CCDC33: variants seen among roughly 807,000 people sequenced by gnomAD.
CCDC33 encodes coiled-coil domain containing 33.
In CCDC33, 94 loss-of-function variants were observed where a neutral mutation model predicts 91.9. That is an observed-to-expected ratio of 1.02 (90% confidence interval 0.87 to 1.21). The LOEUF (loss-of-function observed/expected upper bound fraction) is 1.21, where lower values mean the gene tolerates loss of function less well. Ranked by LOEUF, CCDC33 falls within the 50% of genes most tolerant of loss-of-function variation. CCDC33 has a pLI of 0.00. For missense variants in CCDC33, 940 were observed against 935.5 expected (o/e 1.00, Z -0.06); for synonymous variants, 396 against 374.5 (o/e 1.06, Z -0.66).
intron 16 of CCDC33, chr15:74,333,454 A>G: frequency 1.4e-6 from 1 of 720,520 alleles, no homozygotes; most frequent in Non-Finnish European, 2.3e-6. Context: ...GCAGGGGCAC[A>G]GGAGAGTTTT....
chr15:74,221,003 G>A (rs1262796101), intron 2 of CCDC33, among the ~76,000 whole-genome samples: 1 of 152,138 alleles, frequency 6.6e-6, no homozygotes, highest in Non-Finnish European at 1.5e-5. Context: ...GCAATATTCA[G>A]ATCAAAGCTA....
chr15:74,329,532 C>A (rs1400293758), intron 11 of CCDC33, among the ~76,000 whole-genome samples: 4 of 152,228 alleles, frequency 2.6e-5, no homozygotes, highest in African/African-American at 9.7e-5. Flanking sequence ...ACAGTGAATG[C>A]TCAATGAGCA....
At chr15:74,220,726 A>G (rs2074565336) in intron 2 of CCDC33, among the ~76,000 whole-genome samples, 1 of 152,202 alleles carries the variant, frequency 6.6e-6, no homozygotes, top group Admixed American at 6.5e-5. Flanking sequence ...TGCCAAGACA[A>G]GAAAATGGCT....
chr15:74,332,614 G>C, intron 15 of CCDC33, 65 bp from the exon 16 acceptor site: 1 of 1,570,300 alleles, frequency 6.4e-7, no homozygotes, highest in East Asian at 2.3e-5. Flanking sequence ...TGCTGGAGCA[G>C]ATCAGGACAG....
At chr15:74,309,822 C>A (rs919650853) in intron 11 of CCDC33, among the ~76,000 whole-genome samples, 18 of 152,174 alleles carry the variant, frequency 1.2e-4, no homozygotes, top group African/African-American at 4.3e-4. Context: ...CTCAACAGAA[C>A]AGCCTGGACT....
chr15:74,324,281 G>A (rs376763791), intron 11 of CCDC33, among the ~76,000 whole-genome samples: 1 of 151,928 alleles, frequency 6.6e-6, no homozygotes, highest in Admixed American at 6.6e-5. Context: ...ATGTATGTGA[G>A]GTTCACCCAC....
At position 74,332,736 on chromosome 15, in the gene CCDC33, CG is replaced by C; in HGVS notation, c.1831del (p.Val611LeufsTer66). 6.2e-7 allele frequency: 1 copy of C among 1,614,192 alleles called. No individual in the cohort carries two copies. On this transcript the variant is annotated frameshift_variant, in exon 16 of 19. Transcript: ENST00000398814. LOFTEE classifies it high-confidence loss of function. ...TTGGGTTCTATGGGAGAGAACCTGC[CG>C]GTTGAACTTTACTCGGTGCTGCTGG... ...LPLGSMGENL[P>X]VELYSVLLAE... is the part of the protein sequence containing the mutation.
chr15:74,315,514 G>A (rs2060073007), intron 11 of CCDC33, among the ~76,000 whole-genome samples: 1 of 152,254 alleles, frequency 6.6e-6, no homozygotes, highest in Admixed American at 6.5e-5. Context: ...ACTTCATCAG[G>A]TGACTGGTGG....
Position 74,218,697 on chromosome 15 carries a change from C to T in CCDC33, c.511C>T (p.Arg171Trp), listed in dbSNP as rs565777002. 18 of 1,289,836 alleles carry T rather than the reference C, an allele frequency of 1.4e-5. No homozygotes were observed. Among genetic ancestry groups the T allele is most frequent in the African/African-American group, 1.4e-4 (9 of 65,994 alleles). The allele number at this position is 1,289,836 out of a possible 1,614,324, so 79.9% of individuals were successfully genotyped here. Residue 171 changes from arginine to tryptophan, a missense_variant, in exon 2 of 3, where the codon CGG (arginine) becomes TGG (tryptophan). Transcript: ENST00000635913. This position sits in a 1 kb window ranked among gnomAD's most constrained non-coding sequence, Gnocchi z 4.8. ...CTACTGTGGCAACCTGGCTCTGCTCCGGGCTAGCACGGACCCCACAGCCCG... is the reference window on the plus strand; with the variant it reads ...CTACTGTGGCAACCTGGCTCTGCTCTGGGCTAGCACGGACCCCACAGCCCG...
chr15:74,316,053 C>T lies in CCDC33; in HGVS notation c.1291-14136C>T, dbSNP rs568074672. Among the ~76,000 whole-genome samples, 1 of 151,670 alleles carries T rather than the reference C, an allele frequency of 6.6e-6. No homozygotes were observed. The highest frequency in any genetic ancestry group is 1.5e-5 in the Non-Finnish European group (1 of 67,888). On this transcript the variant is annotated intron_variant, in intron 11 of 18. Transcript: ENST00000398814. This position sits in a 1 kb window ranked among gnomAD's most constrained non-coding sequence, Gnocchi z 4.7. ...ACAAAGAGCCCTGCCCTAGTCTTCA[C>T]ATAGTAATTGTCTTGTGTGTCTCAC...
At chr15:74,273,978 C>T (rs940403511) in intron 7 of CCDC33, among the ~76,000 whole-genome samples, 3 of 151,890 alleles carry the variant, frequency 2.0e-5, no homozygotes, top group Non-Finnish European at 2.9e-5. Flanking sequence ...ATTACTGGCA[C>T]CCGCCACCAT....
intron 2 of CCDC33, among the ~76,000 whole-genome samples, chr15:74,256,692 C>G (rs2075876309): frequency 6.6e-6 from 1 of 152,222 alleles, no homozygotes; most frequent in East Asian, 1.9e-4. Context: ...CCCTTCCTGA[C>G]CCTGCATCGC....
chr15:74,330,941 G>A (rs372467568), intron 13 of CCDC33, 40 bp from the exon 14 acceptor site: 11 of 1,556,912 alleles, frequency 7.1e-6, no homozygotes, highest in Admixed American at 5.6e-5. Flanking sequence ...GGACTCCCAG[G>A]CACCCATTCT....
chr15:74,234,367 T>C (rs927401541), upstream of CCDC33, among the ~76,000 whole-genome samples: 2 of 152,202 alleles, frequency 1.3e-5, no homozygotes, highest in African/African-American at 4.8e-5. Context: ...CCCTGGACAT[T>C]TGAGGAGCAA....
At chr15:74,266,553 G>A (rs2076170763) in intron 3 of CCDC33, 125 bp from the exon 4 acceptor site, 1 of 711,500 alleles carries the variant, frequency 1.4e-6, no homozygotes, top group African/African-American at 1.7e-5. Flanking sequence ...TGTGCATGTT[G>A]ATTCCTCAGT....
intron 7 of CCDC33, among the ~76,000 whole-genome samples, chr15:74,278,883 C>T (rs1186354106): frequency 6.6e-6 from 1 of 152,214 alleles, no homozygotes; most frequent in Non-Finnish European, 1.5e-5. Flanking sequence ...GCCATCAAGT[C>T]CCCCGAGTGC....
At chr15:74,314,072 T>C (rs1411870540) in intron 11 of CCDC33, among the ~76,000 whole-genome samples, 1 of 152,214 alleles carries the variant, frequency 6.6e-6, no homozygotes, top group African/African-American at 2.4e-5. Context: ...TCCTTATGCC[T>C]GTATCACCTG....
intron 2 of CCDC33, among the ~76,000 whole-genome samples, chr15:74,219,971 T>C (rs1180461330): frequency 6.6e-6 from 1 of 152,180 alleles, no homozygotes; most frequent in Non-Finnish European, 1.5e-5. Context: ...TGCATTGGTC[T>C]GGTGCTGAAG....
At chr15:74,219,610 A>G (rs1335490688) in intron 2 of CCDC33, among the ~76,000 whole-genome samples, 1 of 152,022 alleles carries the variant, frequency 6.6e-6, no homozygotes, top group Non-Finnish European at 1.5e-5. Flanking sequence ...CTGGCAGGAG[A>G]GTTCTGGTGA....
Sources: gnomAD v4.1 joint callset for allele counts (sites outside exome capture counted in the v4.1 genomes callset) on GRCh38, gnomAD v4.1.1 for gene constraint, Gnocchi (gnomAD v3.1) non-coding constraint, MANE v1.5 for transcripts, NCBI Gene and HGNC (gene_info 2026-07-23, HGNC 2026-07-21) for gene names.